Variants in KDM5A observed in about 807,000 individuals in gnomAD.
The protein encoded by KDM5A is lysine-specific demethylase 5A.
In KDM5A, 42 loss-of-function variants were observed where a neutral mutation model predicts 193.5. The observed-to-expected ratio is 0.22, with a 90% CI of 0.17 to 0.28. The LOEUF is 0.28. Ranked by LOEUF, KDM5A falls within the 10% of genes least tolerant of loss-of-function variation. The pLI is 1.00. For synonymous variants in KDM5A, 796 were observed against 718.1 expected (o/e 1.11, Z -1.73); for missense variants, 1,692 against 2,055.1 (o/e 0.82, Z 3.42).
intron 5 of KDM5A, among the ~76,000 whole-genome samples, chr12:357,563 C>T (rs1944242096): frequency 6.6e-6 from 1 of 151,620 alleles, no homozygotes; most frequent in South Asian, 2.1e-4. Context: ...GGCACGGTGG[C>T]TCATGCCTGT....
Position 284,195 on chromosome 12 carries a change from T to C in KDM5A, c.*1261A>G, listed in dbSNP as rs1392667386. On this transcript the variant is annotated 3_prime_UTR_variant, in exon 28 of 28. Coordinates refer to ENST00000399788, the MANE Select transcript of KDM5A (RefSeq NM_001042603.3). ...ATGGATTTTTGATGTTGAAACTCTG[T>C]CATATGCTGCTGGTAACAGTAAATA... The C allele has an allele frequency of 8.8e-6, 2 of 227,988 alleles. No individual in the cohort carries two copies. Among genetic ancestry groups the C allele is most frequent in the East Asian group, 6.3e-5 (1 of 15,872 alleles). 14.1% of individuals were successfully genotyped at this position (227,988 alleles called of 1,614,324 possible).
In KDM5A at chr12:357,800, C is replaced by T. The variant is rs191451521; in HGVS notation, c.673-1263G>A. ...CTGAGATTGCACCACTGCACTCCAG[C>T]CTGGGCGACAGAGCAAGACTCAGTC... On this transcript the variant is annotated intron_variant, in intron 5 of 27. Transcript: ENST00000399788. Among the ~76,000 whole-genome samples, 197 of 121,202 alleles carry T rather than the reference C, an allele frequency of 1.6e-3. 2 individuals carry two copies. The highest frequency in any genetic ancestry group is 6.2e-3 in the African/African-American group (190 of 30,846). The allele number at this position is 121,202 out of a possible 152,430, so 79.5% of individuals were successfully genotyped here. A position where few individuals can be genotyped will look rare whatever the true frequency, so the allele number is the denominator to read the frequency against.
intron 10 of KDM5A, among the ~76,000 whole-genome samples, chr12:336,358 TAAAAA>T (rs61128182): frequency 1.4e-5 from 1 of 72,552 alleles, no homozygotes; most frequent in Non-Finnish European, 3.3e-5. Flanking sequence ...CCTGTCTCAC[TAAAAA>T]AAAAAAAAAA....
At position 362,977 on chromosome 12, in the gene KDM5A, G is replaced by A. The variant is rs752787643; in HGVS notation, c.658C>T (p.Arg220Cys). The stretch of plus-strand genomic sequence containing the variant: ...GACATTGATACCTGAGTCTTCACAC[G>A]TCTTGTTCTCTTCGGCAGAATGTTC... ...RMNILPKRTRRVKTQSESGDV... is the reference protein window; with the variant it reads ...RMNILPKRTRCVKTQSESGDV... Residue 220 changes from arginine (R) to cysteine (C), a missense_variant, in exon 5 of 28, where the codon CGT becomes TGT. By Grantham distance (180) the Arg-to-Cys change is radical. Coordinates refer to ENST00000399788, the MANE Select transcript of KDM5A (RefSeq NM_001042603.3). 5.0e-6 allele frequency: 8 copies of A among 1,614,106 alleles called. No individual in the cohort carries two copies. Among genetic ancestry groups the A allele is most frequent in the East Asian group, 4.5e-5 (2 of 44,882 alleles).
chr12:284,631 T>C lies in KDM5A; in HGVS notation c.*825A>G, dbSNP rs1216364727. On this transcript the variant is annotated 3_prime_UTR_variant, in exon 28 of 28. Coordinates refer to ENST00000399788, the MANE Select transcript of KDM5A (RefSeq NM_001042603.3). ...AGTACGACTGGTCATCATCGTCATC[T>C]TCTTCTCTTTTTTTTTTTGGCAGAA... 8.6e-6 allele frequency: 2 copies of C among 232,982 alleles called. No homozygotes were observed. The highest frequency in any genetic ancestry group is 3.6e-4 in the South Asian group (2 of 5,522). The allele number at this position is 232,982 out of a possible 1,614,324, so 14.4% of individuals were successfully genotyped here.
chr12:294,211 C>T (rs1202341372), intron 26 of KDM5A, among the ~76,000 whole-genome samples: 2 of 151,960 alleles, frequency 1.3e-5, no homozygotes. Flanking sequence ...TTGTTTTCAG[C>T]TTTTTAATAT....
intron 11 of KDM5A, 102 bp downstream of exon 11, chr12:334,139 A>G: frequency 9.2e-7 from 1 of 1,092,274 alleles, no homozygotes; most frequent in South Asian, 1.4e-5. Flanking sequence ...TGAAACCTTA[A>G]ATATACTTCT....
At chr12:295,334 G>A (rs902226951) in intron 26 of KDM5A, among the ~76,000 whole-genome samples, 8 of 151,678 alleles carry the variant, frequency 5.3e-5, no homozygotes, top group African/African-American at 1.9e-4. Context: ...AAAAGAAAAA[G>A]AGAAAGAGAG....
chr12:334,101 A>T (rs1943895978), intron 11 of KDM5A, 140 bp downstream of exon 11: 2 of 776,372 alleles, frequency 2.6e-6, no homozygotes, highest in Non-Finnish European at 4.1e-6. Flanking sequence ...TTTACTACCC[A>T]AAGAAATAGG....
In KDM5A at chr12:370,592, A is replaced by G. The variant is rs551134167; in HGVS notation, c.367-4488T>C. On this transcript the variant is annotated intron_variant, in intron 3 of 27. Transcript: ENST00000399788. The stretch of plus-strand genomic sequence containing the variant: ...CAAAAAGTAGTATCGCTCAAGACCA[A>G]AACAGCTGGGAACAGAGACTTTTTT... 5.4e-5 allele frequency among the ~76,000 whole-genome samples: 8 copies of G among 147,636 alleles called. No individual in the cohort carries two copies. In the South Asian group the frequency reaches 1.3e-3, roughly 24 times the overall value.
intron 27 of KDM5A, among the ~76,000 whole-genome samples, chr12:290,524 T>A (rs1339069067): frequency 6.6e-6 from 1 of 152,290 alleles, no homozygotes; most frequent in African/African-American, 2.4e-5. Flanking sequence ...AGATTTTGTT[T>A]AAAGATTTTG....
intron 20 of KDM5A, among the ~76,000 whole-genome samples, chr12:311,637 T>C (rs777141395): frequency 1.3e-5 from 2 of 152,096 alleles, no homozygotes; most frequent in African/African-American, 4.8e-5. Flanking sequence ...GCATCAAACA[T>C]AGAAGCTGTC....
chr12:282,916 A>G lies in KDM5A; in HGVS notation c.*2540T>C, dbSNP rs1054488322. On this transcript the variant is annotated 3_prime_UTR_variant, in exon 28 of 28. Transcript: ENST00000399788. ...AGATTTGTGTATTTTTTGTTTTGCC[A>G]TTAATTTCTCCCTTCTGTTCTTCTC... is the stretch of plus-strand genomic sequence containing the variant. 2 of 232,334 alleles carry G rather than the reference A, an allele frequency of 8.6e-6. No individual in the cohort carries two copies. Among genetic ancestry groups the G allele is most frequent in the East Asian group, 6.1e-5 (1 of 16,392 alleles). The allele number at this position is 232,334 out of a possible 1,614,324, so 14.4% of individuals were successfully genotyped here.
chr12:293,741 T>C (rs890006068), intron 26 of KDM5A, among the ~76,000 whole-genome samples: 8 of 118,408 alleles, frequency 6.8e-5, no homozygotes, highest in Non-Finnish European at 1.3e-4. Flanking sequence ...ATCAATCCAC[T>C]GCACTCCAGC....
intron 3 of KDM5A, among the ~76,000 whole-genome samples, chr12:376,386 A>G (rs914861616): frequency 3.9e-5 from 6 of 152,242 alleles, no homozygotes; most frequent in Non-Finnish European, 8.8e-5. Context: ...AGCCAGGTGC[A>G]GGATATAATC....
At chr12:336,555 T>C (rs1346908584) in intron 10 of KDM5A, among the ~76,000 whole-genome samples, 1 of 152,084 alleles carries the variant, frequency 6.6e-6, no homozygotes, top group Non-Finnish European at 1.5e-5. Context: ...TGAAAAATAG[T>C]GAATTTCATT....
intron 3 of KDM5A, among the ~76,000 whole-genome samples, chr12:373,685 T>C (rs1173847863): frequency 1.3e-5 from 2 of 152,254 alleles, no homozygotes; most frequent in Admixed American, 6.5e-5. Flanking sequence ...GTGTCAATTT[T>C]AGATCTTTCC....
At chr12:344,815 C>T (rs1046313185) in intron 10 of KDM5A, among the ~76,000 whole-genome samples, 4 of 152,138 alleles carry the variant, frequency 2.6e-5, no homozygotes, top group African/African-American at 9.7e-5. Context: ...CAGAAACAAG[C>T]CAAATTGAAA....
At chr12:311,662 A>G (rs1371243827) in intron 20 of KDM5A, among the ~76,000 whole-genome samples, 3 of 152,158 alleles carry the variant, frequency 2.0e-5, no homozygotes, top group African/African-American at 7.2e-5. Flanking sequence ...TAAAAACAGA[A>G]ATAATTCAAA....
Sources: allele counts gnomAD v4.1 joint callset (sites outside exome capture counted in the v4.1 genomes callset), GRCh38; gene constraint gnomAD v4.1.1; transcripts MANE v1.5; gene names NCBI Gene and HGNC (gene_info 2026-07-23, HGNC 2026-07-21).